RAD51B: variants seen among roughly 807,000 people sequenced by gnomAD.
The protein encoded by RAD51B is DNA repair protein RAD51 homolog 2.
RAD51B carries 38 observed loss-of-function variants against 42.2 expected under a neutral mutation model. The observed-to-expected ratio is 0.90, with a 90% CI of 0.70 to 1.18. RAD51B has a LOEUF of 1.18. Among genes scored for constraint, RAD51B ranks in the 50% most tolerant of loss-of-function variants. RAD51B has a pLI of 0.00. For missense variants in RAD51B, 373 were observed against 400.7 expected, an observed-to-expected ratio of 0.93 and a Z score of 0.59; for synonymous variants, 154 against 145.2, an observed-to-expected ratio of 1.06 and a Z score of -0.43.
intron 5 of RAD51B, among the ~76,000 whole-genome samples, chr14:67,873,188 C>T (rs1179304594): frequency 1.3e-5 from 2 of 152,268 alleles, no homozygotes; most frequent in East Asian, 1.9e-4. Flanking sequence ...GCAACCTACT[C>T]GTCTGACAAA....
chr14:68,135,464 A>AG (rs1269589433), intron 7 of RAD51B, among the ~76,000 whole-genome samples: 1 of 152,188 alleles, frequency 6.6e-6, no homozygotes, highest in Non-Finnish European at 1.5e-5. Context: ...CACACCTACC[A>AG]GCTTTGTCAA....
intron 7 of RAD51B, among the ~76,000 whole-genome samples, chr14:67,962,110 C>T (rs1440192004): frequency 2.0e-5 from 3 of 152,056 alleles, no homozygotes; most frequent in Admixed American, 1.3e-4. Context: ...GTATGGAATA[C>T]AATAGAGGTG....
intron 9 of RAD51B, among the ~76,000 whole-genome samples, chr14:68,434,108 C>T (rs553442696): frequency 1.1e-4 from 16 of 152,278 alleles, no homozygotes; most frequent in South Asian, 4.2e-4. Context: ...CTGGAAGCTT[C>T]GTCTCACAGG....
intron 7 of RAD51B, among the ~76,000 whole-genome samples, chr14:67,907,809 T>C (rs1277922239): frequency 6.6e-6 from 1 of 152,188 alleles, no homozygotes; most frequent in East Asian, 1.9e-4. Flanking sequence ...GGTGGTCATC[T>C]TTAGAAAATA....
intron 5 of RAD51B, among the ~76,000 whole-genome samples, chr14:67,879,375 T>C (rs2042832833): frequency 2.0e-5 from 3 of 152,218 alleles, no homozygotes; most frequent in Admixed American, 2.0e-4. Context: ...TAGTGTTTGA[T>C]TGAATAACAG....
chr14:68,589,797 C>A (rs898888336), intron 10 of RAD51B, among the ~76,000 whole-genome samples: 10 of 152,290 alleles, frequency 6.6e-5, no homozygotes, highest in African/African-American at 2.4e-4. Context: ...GCCCTGAATG[C>A]AATTTGGACT....
At position 67,901,898 on chromosome 14, in the gene RAD51B, TGGGAAGGGTG is replaced by T. The variant is rs201686638; in HGVS notation, c.756+14697_756+14706del. Among the ~76,000 whole-genome samples, 1,455 of 151,750 alleles carry T rather than the reference TGGGAAGGGTG, an allele frequency of 9.6e-3. 24 individuals are homozygous for T. Among genetic ancestry groups the T allele is most frequent in the African/African-American group, 0.033 (1,378 of 41,368 alleles). ...GTGTGGAATGATAGACAGTGGAGAC[TGGGAAGGGTG>T]GGAGGGGGTTGGATGATGAGAAATT... is the stretch of plus-strand genomic sequence containing the variant. On this transcript the variant is annotated intron_variant, in intron 7 of 10. Coordinates refer to ENST00000471583, the MANE Select transcript of RAD51B (RefSeq NM_133510.4).
intron 10 of RAD51B, chr14:68,469,251 C>T (rs537533617): frequency 3.6e-4 from 107 of 295,486 alleles, no homozygotes; most frequent in Non-Finnish European, 6.2e-4. Context: ...CCTGTAATTT[C>T]CCCATGGAGA....
intron 7 of RAD51B, among the ~76,000 whole-genome samples, chr14:68,269,394 T>G (rs1022667434): frequency 4.6e-5 from 7 of 152,218 alleles, no homozygotes; most frequent in African/African-American, 1.7e-4. Context: ...ATTCCAGCCA[T>G]GCTGATCTAC....
At chr14:68,601,450 G>A (rs1055865069) in intron 10 of RAD51B, among the ~76,000 whole-genome samples, 3 of 152,150 alleles carry the variant, frequency 2.0e-5, no homozygotes, top group Non-Finnish European at 2.9e-5. Flanking sequence ...TTTCCCTAAA[G>A]GGGGCTGGGA....
At chr14:68,468,610 A>C in intron 10 of RAD51B, 1 of 356,704 alleles carries the variant, frequency 2.8e-6, no homozygotes, top group Non-Finnish European at 5.5e-6. Flanking sequence ...GTGAGGAGCC[A>C]GTGCTGCCCC....
intron 7 of RAD51B, among the ~76,000 whole-genome samples, chr14:68,013,557 G>A (rs897802866): frequency 1.3e-5 from 2 of 152,110 alleles, no homozygotes; most frequent in Non-Finnish European, 2.9e-5. Context: ...AGGGACTACT[G>A]TAAATACTAA....
chr14:67,944,391 T>C (rs568055217), intron 7 of RAD51B, among the ~76,000 whole-genome samples: 20 of 152,292 alleles, frequency 1.3e-4, no homozygotes, highest in African/African-American at 4.8e-4. Flanking sequence ...TTGTTTTAGC[T>C]GTCTTTGTCT....
At chr14:68,223,801 A>G (rs1347146296) in intron 7 of RAD51B, among the ~76,000 whole-genome samples, 1 of 152,152 alleles carries the variant, frequency 6.6e-6, no homozygotes, top group Non-Finnish European at 1.5e-5. Flanking sequence ...TGTCACTAAG[A>G]TGTATTTGGA....
chr14:68,314,047 A>G (rs2082011161), intron 8 of RAD51B, among the ~76,000 whole-genome samples: 2 of 152,124 alleles, frequency 1.3e-5, no homozygotes, highest in Admixed American at 6.6e-5. Flanking sequence ...TAAGAATTCT[A>G]TGTGCATTAC....
chr14:68,339,407 A>G (rs1352537292), intron 8 of RAD51B: 1 of 748,996 alleles, frequency 1.3e-6, no homozygotes, highest in Non-Finnish European at 2.2e-6. Context: ...TATCCTGTCC[A>G]ATGCCAAAAT....
chr14:68,526,109 T>C (rs1272851138), intron 10 of RAD51B, among the ~76,000 whole-genome samples: 1 of 152,234 alleles, frequency 6.6e-6, no homozygotes, highest in Non-Finnish European at 1.5e-5. Flanking sequence ...AGTTAATATA[T>C]GTCAAGTGCT....
At chr14:68,441,897 G>A (rs1566886787) in intron 9 of RAD51B, among the ~76,000 whole-genome samples, 1 of 152,184 alleles carries the variant, frequency 6.6e-6, no homozygotes, top group Non-Finnish European at 1.5e-5. Flanking sequence ...CTAAACCATA[G>A]GATATAACCC....
intron 9 of RAD51B, among the ~76,000 whole-genome samples, chr14:68,435,449 G>A (rs930733933): frequency 2.1e-5 from 3 of 142,272 alleles, no homozygotes; most frequent in Admixed American, 1.4e-4. Context: ...CTTTACTATT[G>A]TGAATAGTGC....
Sources: allele counts gnomAD v4.1 joint callset (sites outside exome capture counted in the v4.1 genomes callset), GRCh38; gene constraint gnomAD v4.1.1; transcripts MANE v1.5; gene names NCBI Gene and HGNC (gene_info 2026-07-23, HGNC 2026-07-21).